TMEM232: variants seen among roughly 807,000 people sequenced by gnomAD.
TMEM232 encodes transmembrane protein 232.
TMEM232 carries 80 observed loss-of-function variants against 78.8 expected under a neutral mutation model. The ratio of observed to expected loss-of-function variants is 1.01; its 90% confidence interval spans 0.85 to 1.22. TMEM232 has a LOEUF of 1.22. Ranked by LOEUF, TMEM232 falls within the 50% of genes most tolerant of loss-of-function variation. The pLI is 0.00. For synonymous variants in TMEM232, 297 were observed against 254.3 expected (o/e 1.17, Z -1.60); for missense variants, 881 against 742.2 (o/e 1.19, Z -2.17).
intron 11 of TMEM232, among the ~76,000 whole-genome samples, chr5:110,563,563 G>A (rs1031691067): frequency 4.0e-5 from 6 of 151,884 alleles, no homozygotes; most frequent in East Asian, 1.9e-4. Flanking sequence ...GTGACTATAC[G>A]CCATTTTCTA....
chr5:110,442,992 C>A (rs1269149306), intron 12 of TMEM232, among the ~76,000 whole-genome samples: 1 of 152,106 alleles, frequency 6.6e-6, no homozygotes, highest in African/African-American at 2.4e-5. Flanking sequence ...ATATAGGCAC[C>A]CTTGTGTTCA....
chr5:110,605,430 T>C (rs2149828698), intron 9 of TMEM232, 72 bp from the exon 10 acceptor site: 2 of 1,437,184 alleles, frequency 1.4e-6, no homozygotes, highest in South Asian at 1.5e-5. Flanking sequence ...AGTGTACTTA[T>C]AATAATTGTT....
intron 8 of TMEM232, among the ~76,000 whole-genome samples, chr5:110,616,805 C>A (rs1172575897): frequency 6.6e-6 from 1 of 152,020 alleles, no homozygotes; most frequent in African/African-American, 2.4e-5. Flanking sequence ...TGAAAGATAA[C>A]AGATGTTGAT....
intron 2 of TMEM232, among the ~76,000 whole-genome samples, chr5:110,400,232 A>G (rs1239262873): frequency 6.6e-6 from 1 of 152,126 alleles, no homozygotes; most frequent in African/African-American, 2.4e-5. Context: ...TAAAATTCTG[A>G]CTGTTCCACC....
chr5:110,623,627 G>A, intron 7 of TMEM232, among the ~76,000 whole-genome samples: 1 of 152,010 alleles, frequency 6.6e-6, no homozygotes, highest in East Asian at 1.9e-4. Flanking sequence ...GGAGAAACTG[G>A]GCTGAAACTG....
chr5:110,601,218 T>A (rs1438995331), intron 10 of TMEM232, among the ~76,000 whole-genome samples: 1 of 152,162 alleles, frequency 6.6e-6, no homozygotes, highest in Non-Finnish European at 1.5e-5. Flanking sequence ...AGGCAAAAGC[T>A]AGAAGTATTC....
chr5:110,666,102 A>T (rs1357600193), intron 2 of TMEM232, among the ~76,000 whole-genome samples: 1 of 152,094 alleles, frequency 6.6e-6, no homozygotes, highest in Non-Finnish European at 1.5e-5. Context: ...ATTAACAAAT[A>T]AAAAAGCTGA....
intron 12 of TMEM232, among the ~76,000 whole-genome samples, chr5:110,492,858 T>C (rs115256447): frequency 0.012 from 1,784 of 152,130 alleles, 26 homozygotes; most frequent in African/African-American, 0.04. Context: ...TTAAAAATTT[T>C]TGAAGCCACA....
intron 1 of TMEM232, among the ~76,000 whole-genome samples, chr5:110,737,657 A>G (rs1290266453): frequency 6.6e-6 from 1 of 152,012 alleles, no homozygotes; most frequent in Non-Finnish European, 1.5e-5. Flanking sequence ...CTTTTTTTGT[A>G]TGAATTGCCT....
At chr5:110,598,373 G>C (rs192311991) in intron 10 of TMEM232, among the ~76,000 whole-genome samples, 3,788 of 152,270 alleles carry the variant, frequency 0.025, 155 homozygotes, top group African/African-American at 0.087. Context: ...AGGTGCTGGA[G>C]AGGCTGTGAA....
At chr5:110,565,078 T>C (rs1776187989) in intron 11 of TMEM232, among the ~76,000 whole-genome samples, 1 of 151,978 alleles carries the variant, frequency 6.6e-6, no homozygotes, top group African/African-American at 2.4e-5. Context: ...TGCTAAGTTA[T>C]TTTCACTTTC....
chr5:110,471,337 C>G (rs967549280), intron 12 of TMEM232, among the ~76,000 whole-genome samples: 13 of 152,020 alleles, frequency 8.6e-5, no homozygotes, highest in African/African-American at 2.7e-4. Context: ...AGAAAACTTA[C>G]TTAATAAAAT....
chr5:110,578,994 C>G (rs1777870796), intron 10 of TMEM232, among the ~76,000 whole-genome samples: 1 of 151,690 alleles, frequency 6.6e-6, no homozygotes, highest in African/African-American at 2.4e-5. Flanking sequence ...CATCCAGATC[C>G]AGGAGGCCCA....
chr5:110,528,678 A>C lies in TMEM232; in HGVS notation c.1613T>G (p.Leu538Trp). The part of the protein sequence containing the change: ...FPPIEAHFLP[L>W]KKPSIKKDQT... ...ATCCTTTTTTATTGATGGTTTCTTC[A>C]AAGGAAGAAAATGGGCCTCAATGGG... is the stretch of plus-strand genomic sequence containing the variant. Residue 538 changes from leucine (L) to tryptophan (W), a missense_variant, in exon 12 of 14, where the codon TTG becomes TGG. Coordinates refer to ENST00000455884, the MANE Select transcript of TMEM232 (RefSeq NM_001039763.4). 1 of 1,535,194 alleles carries C rather than the reference A, an allele frequency of 6.5e-7. No individual in the cohort carries two copies. The highest frequency in any genetic ancestry group is 8.7e-7 in the Non-Finnish European group (1 of 1,146,486).
chr5:110,418,969 A>G (rs1466382021), downstream of TMEM232, among the ~76,000 whole-genome samples: 3 of 152,178 alleles, frequency 2.0e-5, no homozygotes, highest in African/African-American at 4.8e-5. Context: ...AAGGACGTTC[A>G]GAGTTTGGTA....
intron 10 of TMEM232, among the ~76,000 whole-genome samples, chr5:110,569,320 A>T (rs1032723840): frequency 3.3e-5 from 5 of 151,824 alleles, no homozygotes; most frequent in African/African-American, 1.2e-4. Flanking sequence ...ATTCCTATTT[A>T]CTCTTTATAG....
At chr5:110,631,034 T>C (rs1317981262) in intron 5 of TMEM232, among the ~76,000 whole-genome samples, 1 of 152,120 alleles carries the variant, frequency 6.6e-6, no homozygotes, top group Non-Finnish European at 1.5e-5. Flanking sequence ...ACAGCCATCA[T>C]GGGGCTGCAT....
intron 1 of TMEM232, among the ~76,000 whole-genome samples, chr5:110,713,133 A>G (rs1164608989): frequency 6.8e-6 from 1 of 147,746 alleles, no homozygotes; most frequent in East Asian, 1.9e-4. Flanking sequence ...TGTTAAGAGA[A>G]AAAAAAAACA....
intron 11 of TMEM232, among the ~76,000 whole-genome samples, chr5:110,546,742 C>T (rs1403427476): frequency 6.6e-6 from 1 of 152,036 alleles, no homozygotes; most frequent in African/African-American, 2.4e-5. Context: ...GAGAGAGTGT[C>T]TGAAGACTAA....
Sources: gnomAD v4.1 joint callset for allele counts (sites outside exome capture counted in the v4.1 genomes callset) on GRCh38, gnomAD v4.1.1 for gene constraint, MANE v1.5 for transcripts, NCBI Gene and HGNC (gene_info 2026-07-23, HGNC 2026-07-21) for gene names.